Variants in SORBS2 observed in about 807,000 individuals in gnomAD.
The protein encoded by SORBS2 is sorbin and SH3 domain containing 2, also known as sorbin and SH3 domain-containing protein 2.
Under a neutral mutation model 97.7 loss-of-function variants are expected in SORBS2, and 46 were observed. The ratio of observed to expected loss-of-function variants is 0.47; its 90% CI spans 0.37 to 0.60. SORBS2 has a LOEUF of 0.60. SORBS2 is among the 20% of genes least tolerant of loss of function. The pLI, the probability that SORBS2 is intolerant of heterozygous loss-of-function variation, is 0.00. For synonymous variants in SORBS2, 476 were observed against 473.4 expected (o/e 1.01, Z -0.07); for missense variants, 1,316 against 1,282.3 (o/e 1.03, Z -0.40).
chr4:185,661,329 C>G (rs772201714), upstream of SORBS2, among the ~76,000 whole-genome samples: 1 of 151,594 alleles, frequency 6.6e-6, no homozygotes, highest in African/African-American at 2.4e-5. Context: ...TCTGAACATA[C>G]TTGACCATGT....
chr4:185,862,722 A>T (rs1259337904), intron 1 of SORBS2, among the ~76,000 whole-genome samples: 1 of 152,142 alleles, frequency 6.6e-6, no homozygotes, highest in Non-Finnish European at 1.5e-5. Context: ...TTACATGATC[A>T]TTTTTGCCCT....
chr4:185,871,316 A>C (rs191403556), intron 1 of SORBS2, among the ~76,000 whole-genome samples: 2 of 152,348 alleles, frequency 1.3e-5, no homozygotes, highest in Admixed American at 1.3e-4. Flanking sequence ...AAGCCCATGA[A>C]ACAAAGAATC....
In SORBS2 at chr4:185,868,147, C is replaced by CTTTCTTTCTTTTTTTTTTTTTTT. The variant is rs1288748201; in HGVS notation, c.-338+88048_-338+88049insAAAAAAAAAAAAAAAGAAAGAAA. Reference sequence around the variant, plus strand: ...TCTACTTTCCTTTCTCTTTTCTTTTCTTTTTTTCTTTCTTTTTTTTTTTTT... The same window carrying CTTTCTTTCTTTTTTTTTTTTTTT: ...TCTACTTTCCTTTCTCTTTTCTTTTCTTTCTTTCTTTTTTTTTTTTTTTTTTTTTTCTTTCTTTTTTTTTTTTT... On this transcript the variant is annotated intron_variant, in intron 1 of 20. Transcript: ENST00000284776. Among the ~76,000 whole-genome samples the CTTTCTTTCTTTTTTTTTTTTTTT allele has an allele frequency of 5.9e-4, 53 of 89,746 alleles. 4 individuals are homozygous for CTTTCTTTCTTTTTTTTTTTTTTT. Among genetic ancestry groups the CTTTCTTTCTTTTTTTTTTTTTTT allele is most frequent in the African/African-American group, 7.2e-4 (15 of 20,974 alleles). The allele number at this position is 89,746 out of a possible 152,430, so 58.9% of individuals were successfully genotyped here.
chr4:185,904,680 T>C (rs1212009808), intron 1 of SORBS2, among the ~76,000 whole-genome samples: 1 of 152,216 alleles, frequency 6.6e-6, no homozygotes, highest in African/African-American at 2.4e-5. Context: ...TTTGGTATTG[T>C]GGTATTTGAT....
intron 4 of SORBS2, among the ~76,000 whole-genome samples, chr4:185,673,409 T>C (rs1009250633): frequency 1.1e-4 from 17 of 152,322 alleles, no homozygotes; most frequent in African/African-American, 4.1e-4. Flanking sequence ...GAGGACACGC[T>C]ATCTTGGAAC....
At chr4:185,666,184 G>A in intron 4 of SORBS2, 1 of 1,289,336 alleles carries the variant, frequency 7.8e-7, no homozygotes, top group South Asian at 1.2e-5. Context: ...CAACACACTG[G>A]CAGGTAAGTT....
intron 1 of SORBS2, among the ~76,000 whole-genome samples, chr4:185,940,896 T>C (rs116797675): frequency 1.2e-4 from 18 of 152,288 alleles, no homozygotes; most frequent in African/African-American, 4.1e-4. Flanking sequence ...GGAGAGACTT[T>C]TGCCTCCCTA....
intron 6 of SORBS2, among the ~76,000 whole-genome samples, chr4:185,626,085 T>A (rs1306740007): frequency 6.6e-6 from 1 of 151,784 alleles, no homozygotes; most frequent in Admixed American, 6.5e-5. Context: ...GAAATATTCC[T>A]GTCCTCAAGG....
intron 1 of SORBS2, among the ~76,000 whole-genome samples, chr4:185,802,348 G>C (rs979630121): frequency 6.6e-6 from 1 of 151,818 alleles, no homozygotes; most frequent in Non-Finnish European, 1.5e-5. Context: ...TTTTCCTCCG[G>C]TCCTTGATGG....
intron 1 of SORBS2, among the ~76,000 whole-genome samples, chr4:185,946,372 G>A (rs1399061717): frequency 1.3e-5 from 2 of 152,282 alleles, no homozygotes; most frequent in East Asian, 1.9e-4. Flanking sequence ...AGGCAATGGT[G>A]AGAATAGAAG....
At chr4:185,800,741 T>C (rs1298360781) in intron 1 of SORBS2, among the ~76,000 whole-genome samples, 1 of 152,166 alleles carries the variant, frequency 6.6e-6, no homozygotes, top group Non-Finnish European at 1.5e-5. Flanking sequence ...GTTGCTTCCA[T>C]ACCCTTAAAA....
Position 185,915,804 on chromosome 4 carries a change from C to T in SORBS2, c.-338+40392G>A, listed in dbSNP as rs367990559. On this transcript the variant is annotated intron_variant, in intron 1 of 20. Coordinates refer to the SORBS2 transcript ENST00000284776. ...AGATAAGTGCTCTGGATTAAAGGAA[C>T]GTAGCTCTCTAAGAAGGTTAAGTAA... 1.2e-4 allele frequency among the ~76,000 whole-genome samples: 19 copies of T among 152,124 alleles called. No individual in the cohort carries two copies. The South Asian group carries it at 1.5e-3, about 12-fold the overall frequency.
At chr4:185,724,994 C>G (rs2098545650) in intron 2 of SORBS2, among the ~76,000 whole-genome samples, 1 of 151,962 alleles carries the variant, frequency 6.6e-6, no homozygotes, top group Non-Finnish European at 1.5e-5. Flanking sequence ...AGTTCAGCAC[C>G]TTGCATATCT....
chr4:185,881,480 G>A (rs1177310999), intron 1 of SORBS2, among the ~76,000 whole-genome samples: 1 of 152,074 alleles, frequency 6.6e-6, no homozygotes, highest in East Asian at 1.9e-4. Flanking sequence ...CAAGCATGAA[G>A]AAAGAATTTT....
chr4:185,932,962 T>C (rs1455573997), intron 1 of SORBS2: 1 of 152,264 alleles, frequency 6.6e-6, no homozygotes, highest in Admixed American at 6.5e-5. Context: ...TTCTTAAGCC[T>C]TCTGATTCAA....
Position 185,607,046 on chromosome 4 carries a change from A to T in SORBS2, c.2796+4734T>A. On this transcript the variant is annotated intron_variant, in intron 12 of 14. Coordinates refer to ENST00000418609, the Ensembl canonical transcript of SORBS2. The surrounding 1 kb of genome is among the most constrained non-coding windows in gnomAD (Gnocchi z 5.2). Reference sequence around the variant, plus strand: ...GCCACACCCGCGTGAGTGGAAGGTGATTCGGCAGGTGCAGTCGCTGGGGAC... The same window carrying T: ...GCCACACCCGCGTGAGTGGAAGGTGTTTCGGCAGGTGCAGTCGCTGGGGAC... 2 of 1,026,046 alleles carry T rather than the reference A, an allele frequency of 1.9e-6. No homozygotes were observed. The highest frequency in any genetic ancestry group is 2.3e-6 in the Non-Finnish European group (2 of 854,054). 63.6% of individuals were successfully genotyped at this position (1,026,046 alleles called of 1,614,324 possible). A position where few individuals can be genotyped will look rare whatever the true frequency, so the allele number is the denominator to read the frequency against.
chr4:185,593,168 A>G (rs930036835), intron 13 of SORBS2: 17 of 152,534 alleles, frequency 1.1e-4, no homozygotes, highest in Non-Finnish European at 2.3e-4. Context: ...AAGCCTTCCC[A>G]GGGGTCTCAC....
chr4:185,776,870 A>G lies in SORBS2; in HGVS notation c.-337-1504T>C, dbSNP rs1448081633. ...AGCTGAGATCGCACCAGTGCACTCC[A>G]GCCTGGGCAACAGAGTGAGACTCCA... On this transcript the variant is annotated intron_variant, in intron 1 of 20. Transcript: ENST00000284776. Among the ~76,000 whole-genome samples, 5 of 148,952 alleles carry G rather than the reference A, an allele frequency of 3.4e-5. No individual in the cohort carries two copies. The East Asian group carries it at 9.9e-4, about 30-fold the overall frequency.
chr4:185,856,055 T>C (rs956879283), intron 1 of SORBS2, among the ~76,000 whole-genome samples: 1 of 152,242 alleles, frequency 6.6e-6, no homozygotes, highest in African/African-American at 2.4e-5. Flanking sequence ...CAAATTTAGC[T>C]GTTTCTGAAA....
Sources: gnomAD v4.1 joint callset for allele counts (sites outside exome capture counted in the v4.1 genomes callset) on GRCh38, gnomAD v4.1.1 for gene constraint, Gnocchi (gnomAD v3.1) non-coding constraint, MANE v1.5 for transcripts, NCBI Gene and HGNC (gene_info 2026-07-23, HGNC 2026-07-21) for gene names.